The following SLC12A2 variants were observed in gnomAD, a reference collection of about 807,000 sequenced individuals.
SLC12A2 encodes solute carrier family 12 member 2, also known as Na-K-2Cl cotransporter 1.
SLC12A2 carries 67 observed loss-of-function variants against 136.3 expected under a neutral mutation model. The ratio of observed to expected loss-of-function variants is 0.49; its 90% confidence interval spans 0.40 to 0.60. The LOEUF (loss-of-function observed/expected upper bound fraction) is 0.60, where lower values mean the gene tolerates loss of function less well. Ranked by LOEUF, SLC12A2 falls within the 20% of genes least tolerant of loss-of-function variation. SLC12A2 has a pLI of 0.00. For synonymous variants in SLC12A2, 619 were observed against 562.9 expected, an observed-to-expected ratio of 1.10 and a Z score of -1.41; for missense variants, 1,322 against 1,534.7, an observed-to-expected ratio of 0.86 and a Z score of 2.32.
chr5:128,180,543 C>G (rs946122205), intron 22 of SLC12A2, among the ~76,000 whole-genome samples: 3 of 152,154 alleles, frequency 2.0e-5, no homozygotes, highest in African/African-American at 4.8e-5. Context: ...CAATTTCAGT[C>G]CAGCTTCTCC....
intron 4 of SLC12A2, among the ~76,000 whole-genome samples, chr5:128,125,253 C>CT (rs1761745213): frequency 6.6e-6 from 1 of 152,176 alleles, no homozygotes; most frequent in African/African-American, 2.4e-5. Context: ...TCACCTATGG[C>CT]TTAAAGTCAC....
intron 1 of SLC12A2, among the ~76,000 whole-genome samples, chr5:128,112,374 A>AC (rs376286882): frequency 3.4e-4 from 51 of 152,200 alleles, no homozygotes; most frequent in African/African-American, 1.2e-3. Context: ...TATAAAAAAA[A>AC]CATATTCGTT....
At chr5:128,098,999 A>G (rs1436048574) in intron 1 of SLC12A2, among the ~76,000 whole-genome samples, 1 of 152,190 alleles carries the variant, frequency 6.6e-6, no homozygotes, top group Non-Finnish European at 1.5e-5. Flanking sequence ...AAAAAGCAGC[A>G]AAGTCAGGGA....
At position 128,174,527 on chromosome 5, in the gene SLC12A2, T is replaced by C. The variant is rs201550201; in HGVS notation, c.2804-14T>C. ...ATGACTTAGATACTATTTTAAATAA[T>C]TTTCTGTCTACAGAAGAATTATTGT... On this transcript the variant is annotated splice_polypyrimidine_tract_variant and intron_variant, in intron 19 of 26. Coordinates refer to ENST00000262461, the MANE Select transcript of SLC12A2 (RefSeq NM_001046.3). The C allele has an allele frequency of 4.3e-5, 68 of 1,582,490 alleles. No homozygotes were observed. The highest frequency in any genetic ancestry group is 6.9e-6 in the Non-Finnish European group (8 of 1,160,050).
intron 19 of SLC12A2, among the ~76,000 whole-genome samples, chr5:128,173,499 T>C (rs1299783288): frequency 1.3e-5 from 2 of 152,224 alleles, no homozygotes; most frequent in African/African-American, 4.8e-5. Context: ...TGCCTTATTA[T>C]TCATCATTAA....
At chr5:128,117,184 G>A (rs1581077962) in intron 4 of SLC12A2, among the ~76,000 whole-genome samples, 1 of 152,140 alleles carries the variant, frequency 6.6e-6, no homozygotes, top group Admixed American at 6.5e-5. Flanking sequence ...CAGGAAATGA[G>A]CTTAGACACC....
intron 16 of SLC12A2, among the ~76,000 whole-genome samples, chr5:128,161,198 A>G (rs975607573): frequency 6.6e-6 from 1 of 152,194 alleles, no homozygotes; most frequent in Non-Finnish European, 1.5e-5. Context: ...CCTTTAACAG[A>G]ATTTTAAAGA....
chr5:128,109,669 A>G (rs1581068360), intron 1 of SLC12A2: 2 of 945,270 alleles, frequency 2.1e-6, no homozygotes, highest in East Asian at 4.8e-5. Context: ...ATAGCTTCAC[A>G]TCTTCTCCAG....
chr5:128,092,877 C>A (rs1045274125), intron 1 of SLC12A2, among the ~76,000 whole-genome samples: 1 of 152,110 alleles, frequency 6.6e-6, no homozygotes, highest in African/African-American at 2.4e-5. Context: ...CAATAGTTTA[C>A]TTCTGTTAAA....
intron 15 of SLC12A2, among the ~76,000 whole-genome samples, chr5:128,157,581 G>A (rs1762903954): frequency 6.6e-6 from 1 of 152,134 alleles, no homozygotes; most frequent in Non-Finnish European, 1.5e-5. Context: ...GCAAACCTGT[G>A]CTTGCAGGAA....
chr5:128,174,444 T>C, intron 19 of SLC12A2, 97 bp from the exon 20 acceptor site: 1 of 902,742 alleles, frequency 1.1e-6, no homozygotes, highest in Non-Finnish European at 1.7e-6. Context: ...TATAATAAAC[T>C]TATTTTTTCA....
intron 16 of SLC12A2, 42 bp downstream of exon 16, chr5:128,158,206 A>C: frequency 6.8e-7 from 1 of 1,465,966 alleles, no homozygotes; most frequent in Non-Finnish European, 9.4e-7. Flanking sequence ...TTTTTTTTAA[A>C]GTTTTATTTT....
intron 26 of SLC12A2, among the ~76,000 whole-genome samples, chr5:128,186,058 A>C: frequency 6.7e-6 from 1 of 150,242 alleles, no homozygotes; most frequent in South Asian, 2.1e-4. Context: ...CATCTCTCTT[A>C]AAAAAATATA....
rs772697470 is a variant in SLC12A2 at position 128,158,154 on chromosome 5, A to G, written c.2465A>G (p.His822Arg). The change falls in exon 16 of 27, where the codon CAT becomes CGT. Residue 822 changes from histidine to arginine, a missense_variant. By Grantham distance (29) the His-to-Arg change is conservative. Around this residue, in one of 8 missense-constraint regions of SLC12A2, gnomAD observed 294 missense variants for 436.6 expected, o/e 0.67. Coordinates refer to ENST00000262461, the MANE Select transcript of SLC12A2 (RefSeq NM_001046.3). ...TKNVGLMICG[H>R]VHMGPRRQAM... ...AATGTTGGTTTGATGATCTGTGGCC[A>G]TGTACATATGGTAAGTATCAATTTT... is the stretch of plus-strand genomic sequence containing the variant. The G allele has an allele frequency of 2.4e-5, 39 of 1,608,906 alleles. No individual in the cohort carries two copies. The African/African-American group carries it at 3.3e-4, about 14-fold the overall frequency.
Position 128,184,372 on chromosome 5 carries a change from A to G in SLC12A2, c.3306A>G (p.Ile1102Met), listed in dbSNP as rs965773171. The change falls in exon 25 of 27, where the codon ATA (isoleucine) becomes ATG (methionine). Residue 1102 changes from isoleucine (I) to methionine (M), a missense_variant. Physicochemically the swap from Ile to Met is conservative, Grantham distance 10. Around this residue, in one of 8 missense-constraint regions of SLC12A2, gnomAD observed 172 missense variants for 227.4 expected, o/e 0.76. Transcript: ENST00000262461. Reference protein sequence around the residue: ...INTKPKKENIIAFEEIIEPYR... With the variant: ...INTKPKKENIMAFEEIIEPYR... ...TTCTTTCTGTTTTTTAAAGTATTAT[A>G]GCTTTTGAGGAAATCATTGAGCCAT... 1.3e-6 allele frequency: 2 copies of G among 1,540,974 alleles called. No homozygotes were observed. The highest frequency in any genetic ancestry group is 4.6e-5 in the East Asian group (2 of 43,536).
chr5:128,098,472 T>C (rs1760622309), intron 1 of SLC12A2, among the ~76,000 whole-genome samples: 1 of 113,938 alleles, frequency 8.8e-6, no homozygotes, highest in South Asian at 2.7e-4. Flanking sequence ...TTCTAATGAC[T>C]GCTTGTTTTT....
intron 15 of SLC12A2, among the ~76,000 whole-genome samples, chr5:128,153,653 A>G (rs1027154223): frequency 5.3e-5 from 8 of 152,236 alleles, no homozygotes; most frequent in Non-Finnish European, 2.9e-5. Context: ...TGGCTTCTGC[A>G]TGATAAACAC....
chr5:128,084,188 G>A lies in SLC12A2; in HGVS notation c.234G>A (p.Gln78=), dbSNP rs1455516153. The A allele has an allele frequency of 1.5e-6, 2 of 1,292,946 alleles. No homozygotes were observed. The highest frequency in any genetic ancestry group is 6.5e-5 in the East Asian group (2 of 30,762). The allele number at this position is 1,292,946 out of a possible 1,614,324, so 80.1% of individuals were successfully genotyped here. ...LGRPLGPTPS[Q]SRFQVDLVSE... ...GACCCTTGGGGCCCACCCCGAGCCA[G>A]AGCCGTTTCCAGGTGGACCTGGTTT... Residue 78 remains glutamine, a synonymous_variant, in exon 1 of 27, where the codon CAG becomes CAA. Coordinates refer to ENST00000262461, the MANE Select transcript of SLC12A2 (RefSeq NM_001046.3). The surrounding 1 kb of genome is among the most constrained non-coding windows in gnomAD (Gnocchi z 5.6).
At chr5:128,113,478 T>G (rs1184563135) in intron 2 of SLC12A2, among the ~76,000 whole-genome samples, 1 of 152,192 alleles carries the variant, frequency 6.6e-6, no homozygotes, top group East Asian at 1.9e-4. Flanking sequence ...GAATAAGCAC[T>G]AAGGATCTGA....
Sources: gnomAD v4.1 joint callset for allele counts (sites outside exome capture counted in the v4.1 genomes callset) on GRCh38, gnomAD v4.1.1 for gene constraint, gnomAD v4.1.1 regional missense constraint, Gnocchi (gnomAD v3.1) non-coding constraint, MANE v1.5 for transcripts, NCBI Gene and HGNC (gene_info 2026-07-23, HGNC 2026-07-21) for gene names.